DLGAP2: variants seen among roughly 807,000 people sequenced by gnomAD.
DLGAP2 encodes DLG associated protein 2.
DLGAP2 carries 26 observed loss-of-function variants against 100.3 expected under a neutral mutation model. That is an observed-to-expected ratio of 0.26 (90% CI 0.19 to 0.36). The LOEUF (loss-of-function observed/expected upper bound fraction) is 0.36, where lower values mean the gene tolerates loss of function less well. DLGAP2 is among the 10% of genes least tolerant of loss of function. The pLI is 1.00. For missense variants in DLGAP2, 1,858 were observed against 1,453.2 expected (o/e 1.28, Z -4.53); for synonymous variants, 886 against 630.1 (o/e 1.41, Z -6.08).
chr8:1,436,435 T>G (rs1032134363), intron 3 of DLGAP2, among the ~76,000 whole-genome samples: 2 of 152,142 alleles, frequency 1.3e-5, no homozygotes, highest in African/African-American at 4.8e-5. Context: ...GGCAGCCGAA[T>G]AGATGGTGCC....
rs562625037 is a variant in DLGAP2 at position 1,447,435 on chromosome 8, C to T, written c.107-53931C>T. 5.9e-5 allele frequency among the ~76,000 whole-genome samples: 9 copies of T among 152,312 alleles called. No homozygotes were observed. The South Asian group carries it at 1.7e-3, about 28-fold the overall frequency. On this transcript the variant is annotated intron_variant, in intron 3 of 14. Transcript: ENST00000637795. ...CCATCCTTGCATCCCAGGGATGAAG[C>T]CCACTTGATCATGGTGGATAAGCTT...
chr8:868,694 T>C (rs912355709), intron 1 of DLGAP2, among the ~76,000 whole-genome samples: 1 of 152,176 alleles, frequency 6.6e-6, no homozygotes, highest in Non-Finnish European at 1.5e-5. Context: ...TGGTGTGGGC[T>C]TTGGTGTGTC....
At chr8:1,270,774 C>G (rs552513984) in intron 3 of DLGAP2, among the ~76,000 whole-genome samples, 2 of 150,702 alleles carry the variant, frequency 1.3e-5, no homozygotes, top group Admixed American at 1.3e-4. Context: ...GTGTGTCTCT[C>G]TGTGTGTGTC....
intron 3 of DLGAP2, among the ~76,000 whole-genome samples, chr8:1,336,805 T>C (rs950222592): frequency 6.6e-6 from 1 of 151,964 alleles, no homozygotes; most frequent in Admixed American, 6.6e-5. Context: ...AGAGCTGTTG[T>C]TCATTTAATA....
At chr8:1,418,984 C>T (rs1055039392) in intron 3 of DLGAP2, among the ~76,000 whole-genome samples, 1 of 152,262 alleles carries the variant, frequency 6.6e-6, no homozygotes, top group Non-Finnish European at 1.5e-5. Context: ...AATGCTCCCA[C>T]TCAGGCACAG....
chr8:1,586,306 A>C (rs998214458), intron 6 of DLGAP2, among the ~76,000 whole-genome samples: 1 of 152,188 alleles, frequency 6.6e-6, no homozygotes, highest in African/African-American at 2.4e-5. Context: ...CCTTGTTGTC[A>C]GCTGAAGTCA....
chr8:1,169,022 G>A (rs1184759133), intron 2 of DLGAP2, among the ~76,000 whole-genome samples: 4 of 149,232 alleles, frequency 2.7e-5, no homozygotes, highest in East Asian at 2.0e-4. Context: ...TAGGTCTAAC[G>A]TTTAAGTCTT....
At chr8:1,086,906 T>C (rs1803991093) in intron 2 of DLGAP2, among the ~76,000 whole-genome samples, 1 of 152,166 alleles carries the variant, frequency 6.6e-6, no homozygotes, top group African/African-American at 2.4e-5. Context: ...TTAGACCAAA[T>C]GGACCTAATA....
At chr8:967,952 T>C (rs903281370) in intron 2 of DLGAP2, among the ~76,000 whole-genome samples, 5 of 147,396 alleles carry the variant, frequency 3.4e-5, no homozygotes, top group African/African-American at 1.3e-4. Context: ...TGTTTTTCTT[T>C]ACGTCAGTAT....
At chr8:1,179,301 C>G (rs924212022) in intron 2 of DLGAP2, among the ~76,000 whole-genome samples, 2 of 152,256 alleles carry the variant, frequency 1.3e-5, no homozygotes, top group African/African-American at 4.8e-5. Flanking sequence ...CTCTCATTCC[C>G]CCACCCCCCA....
chr8:1,201,381 T>A (rs555850603), intron 2 of DLGAP2, among the ~76,000 whole-genome samples: 7 of 152,170 alleles, frequency 4.6e-5, no homozygotes, highest in African/African-American at 1.7e-4. Flanking sequence ...TCCCCCTTCC[T>A]CGGGAAGGGA....
intron 2 of DLGAP2, among the ~76,000 whole-genome samples, chr8:1,112,505 G>A (rs909349860): frequency 2.0e-5 from 3 of 152,158 alleles, no homozygotes; most frequent in African/African-American, 7.2e-5. Flanking sequence ...CTTACAAAGT[G>A]CTGGGATTGC....
intron 4 of DLGAP2, among the ~76,000 whole-genome samples, chr8:1,543,702 C>T (rs1323378202): frequency 6.6e-6 from 1 of 152,164 alleles, no homozygotes; most frequent in East Asian, 1.9e-4. Context: ...GGCTTTTGCA[C>T]TTCTGCAAAA....
intron 2 of DLGAP2, among the ~76,000 whole-genome samples, chr8:1,180,643 C>G (rs57799359): frequency 0.056 from 7,775 of 139,314 alleles, 507 homozygotes; most frequent in African/African-American, 0.17. Flanking sequence ...TGTCAGTGTG[C>G]AAGGGCAGTA....
rs891762999 is a variant in DLGAP2, at chr8:885,060, T to C, written c.19-22852T>C. ...CCTTGTAGTATAGTTTGATGTCAGGTAGCATGATGCCACCAGCTTTCTTCT... is the reference window on the plus strand; with the variant it reads ...CCTTGTAGTATAGTTTGATGTCAGGCAGCATGATGCCACCAGCTTTCTTCT... On this transcript the variant is annotated intron_variant, in intron 1 of 14. Coordinates refer to ENST00000637795, the MANE Select transcript of DLGAP2 (RefSeq NM_001346810.2). Among the ~76,000 whole-genome samples the C allele has an allele frequency of 4.6e-5, 7 of 152,350 alleles. No homozygotes were observed. The East Asian group carries it at 9.6e-4, about 21-fold the overall frequency.
chr8:962,348 T>C (rs942254016), intron 2 of DLGAP2, among the ~76,000 whole-genome samples: 84 of 152,150 alleles, frequency 5.5e-4, no homozygotes, highest in African/African-American at 2.0e-3. Context: ...CCCTCATCAG[T>C]GCCATCCGGT....
At chr8:886,114 T>C (rs571736497) in intron 1 of DLGAP2, among the ~76,000 whole-genome samples, 6 of 152,346 alleles carry the variant, frequency 3.9e-5, no homozygotes, top group African/African-American at 1.4e-4. Context: ...AATTTCTCCC[T>C]GGTTTAGTCT....
At chr8:1,222,848 A>C (rs1408543953) in intron 2 of DLGAP2, among the ~76,000 whole-genome samples, 1 of 152,092 alleles carries the variant, frequency 6.6e-6, no homozygotes, top group Non-Finnish European at 1.5e-5. Context: ...AGAGGCCAGC[A>C]GTCAGAGGGG....
chr8:1,622,078 A>G (rs1269891283), intron 6 of DLGAP2: 1 of 152,404 alleles, frequency 6.6e-6, no homozygotes, highest in East Asian at 1.9e-4. Flanking sequence ...AGGTGTTCTA[A>G]GAATTTCCAT....
Sources: allele counts gnomAD v4.1 joint callset (sites outside exome capture counted in the v4.1 genomes callset), GRCh38; gene constraint gnomAD v4.1.1; transcripts MANE v1.5; gene names NCBI Gene and HGNC (gene_info 2026-07-23, HGNC 2026-07-21).